ZC3H8: variants seen among roughly 807,000 people sequenced by gnomAD.
ZC3H8 encodes the protein zinc finger CCCH domain-containing protein 8.
A neutral mutation model predicts 42.5 loss-of-function variants in ZC3H8; 27 were observed. The ratio of observed to expected loss-of-function variants is 0.64; its 90% CI spans 0.47 to 0.88. The LOEUF is 0.88. Among genes scored for constraint, ZC3H8 ranks in the 40% least tolerant of loss-of-function variants. ZC3H8 has a pLI of 0.00. For missense variants in ZC3H8, 277 were observed against 336.1 expected, an observed-to-expected ratio of 0.82 and a Z score of 1.37; for synonymous variants, 101 against 110.1, an observed-to-expected ratio of 0.92 and a Z score of 0.52.
intron 8 of ZC3H8, among the ~76,000 whole-genome samples, chr2:112,222,472 G>A (rs1169512940): frequency 6.6e-6 from 1 of 152,158 alleles, no homozygotes; most frequent in Admixed American, 6.5e-5. Flanking sequence ...AAGAAATTCT[G>A]ACATGGTACA....
chr2:112,238,638 A>G (rs1276550822), intron 2 of ZC3H8, 110 bp from the exon 3 acceptor site: 12 of 813,418 alleles, frequency 1.5e-5, no homozygotes, highest in Admixed American at 1.1e-4. Flanking sequence ...GAAGGTGGGT[A>G]ATAGGTACAT....
In ZC3H8 at chr2:112,250,175, G is replaced by A; in HGVS notation, c.156+16C>T. ...ATCTGCGTTTTCAACTTAAACAGTG[G>A]TCAACTTAATCTTACTTTTTTGGGA... On this transcript the variant is annotated intron_variant, in intron 2 of 8. Transcript: ENST00000409573. The A allele has an allele frequency of 6.5e-7, 1 of 1,544,148 alleles. No homozygotes were observed. Among genetic ancestry groups the A allele is most frequent in the South Asian group, 1.2e-5 (1 of 81,332 alleles).
At position 112,215,595 on chromosome 2, in the gene ZC3H8, A is replaced by G. The variant is rs921309705; in HGVS notation, c.*889T>C. 6 of 152,344 alleles carry G rather than the reference A, an allele frequency of 3.9e-5. No individual in the cohort carries two copies. The highest frequency in any genetic ancestry group is 8.8e-5 in the Non-Finnish European group (6 of 68,030). 9.4% of individuals were successfully genotyped at this position (152,344 alleles called of 1,614,324 possible). A position where few individuals can be genotyped will look rare whatever the true frequency, so the allele number is the denominator to read the frequency against. ...GTTGGTAATACTATTACTTTTCCCAACAATAAAACAATATAATGACGAGTT... is the reference window on the plus strand; with the variant it reads ...GTTGGTAATACTATTACTTTTCCCAGCAATAAAACAATATAATGACGAGTT... On this transcript the variant is annotated 3_prime_UTR_variant, in exon 9 of 9. Coordinates refer to ENST00000409573, the MANE Select transcript of ZC3H8 (RefSeq NM_032494.3).
rs749174581 is a variant in ZC3H8 at position 112,250,181 on chromosome 2, T to C, written c.156+10A>G. ...GTTTTCAACTTAAACAGTGGTCAAC[T>C]TAATCTTACTTTTTTGGGAATTTGC... On this transcript the variant is annotated intron_variant, in intron 2 of 8. Transcript: ENST00000409573. 3 of 1,559,672 alleles carry C rather than the reference T, an allele frequency of 1.9e-6. No individual in the cohort carries two copies. Among genetic ancestry groups the C allele is most frequent in the Non-Finnish European group, 2.6e-6 (3 of 1,150,618 alleles).
At chr2:112,240,057 C>T (rs1685518081) in intron 2 of ZC3H8, among the ~76,000 whole-genome samples, 1 of 152,218 alleles carries the variant, frequency 6.6e-6, no homozygotes, top group African/African-American at 2.4e-5. Flanking sequence ...CCAGACAAGA[C>T]TATCAACCAA....
chr2:112,251,422 C>CA (rs1390589287), intron 1 of ZC3H8, among the ~76,000 whole-genome samples: 5 of 152,136 alleles, frequency 3.3e-5, no homozygotes, highest in Non-Finnish European at 5.9e-5. Flanking sequence ...TTACAAGAAC[C>CA]AAAAACCCCA....
intron 8 of ZC3H8, among the ~76,000 whole-genome samples, chr2:112,225,092 T>C (rs1463483461): frequency 6.6e-6 from 1 of 152,230 alleles, no homozygotes; most frequent in Non-Finnish European, 1.5e-5. Flanking sequence ...ACTGGTAGTA[T>C]GTAGAAAGAG....
intron 2 of ZC3H8, among the ~76,000 whole-genome samples, chr2:112,239,852 T>C (rs1374429708): frequency 3.3e-5 from 5 of 152,216 alleles, no homozygotes; most frequent in Non-Finnish European, 7.4e-5. Flanking sequence ...CCCAAAGTGC[T>C]AGGATTACAG....
intron 2 of ZC3H8, 171 bp from the exon 3 acceptor site, chr2:112,238,699 TAAAAAAAA>T (rs1373499282): frequency 2.2e-6 from 1 of 461,736 alleles, no homozygotes; most frequent in African/African-American, 2.0e-5. Context: ...TTTCCAGAAT[TAAAAAAAA>T]GAAAAAATTT....
At chr2:112,250,691 T>C (rs1685915860) in intron 1 of ZC3H8, among the ~76,000 whole-genome samples, 1 of 152,150 alleles carries the variant, frequency 6.6e-6, no homozygotes, top group African/African-American at 2.4e-5. Context: ...GCTATTTCAA[T>C]ATGGTATGGT....
chr2:112,254,683 G>C (rs973634399), intron 1 of ZC3H8, among the ~76,000 whole-genome samples: 8 of 152,340 alleles, frequency 5.3e-5, no homozygotes, highest in African/African-American at 1.9e-4. Context: ...GACAGCCCCG[G>C]CCCTGACGGC....
At position 112,213,344 on chromosome 2, in the gene ZC3H8, C is replaced by G. The variant is rs1389803127; in HGVS notation, c.*3140G>C. The G allele has an allele frequency of 6.6e-6, 1 of 151,928 alleles. No homozygotes were observed. The highest frequency in any genetic ancestry group is 1.5e-5 in the Non-Finnish European group (1 of 67,988). 9.4% of individuals were successfully genotyped at this position (151,928 alleles called of 1,614,324 possible). A position where few individuals can be genotyped will look rare whatever the true frequency, so the allele number is the denominator to read the frequency against. ...TAGTCAGTGAACTAAGACAATTATG[C>G]TGAAACTCAGGAAACCTATTAAAAC... On this transcript the variant is annotated 3_prime_UTR_variant, in exon 9 of 9. Coordinates refer to ENST00000409573, the MANE Select transcript of ZC3H8 (RefSeq NM_032494.3).
At chr2:112,241,521 A>T (rs1168501451) in intron 2 of ZC3H8, among the ~76,000 whole-genome samples, 1 of 152,264 alleles carries the variant, frequency 6.6e-6, no homozygotes, top group Non-Finnish European at 1.5e-5. Context: ...TTGAATGAGA[A>T]GAAAACCACA....
intron 8 of ZC3H8, among the ~76,000 whole-genome samples, chr2:112,229,299 C>A (rs983456343): frequency 6.6e-6 from 1 of 152,140 alleles, no homozygotes; most frequent in African/African-American, 2.4e-5. Flanking sequence ...CTATCTGATA[C>A]CATTTTAAAA....
Position 112,214,542 on chromosome 2 carries a change from A to C in ZC3H8, c.*1942T>G, listed in dbSNP as rs979937324. On this transcript the variant is annotated 3_prime_UTR_variant, in exon 9 of 9. Transcript: ENST00000409573. ...CAGTGAGATTTACTTCACAGGAGGAAACCAAGGGGAGCAGAGGGAAGTAGG... is the reference window on the plus strand; with the variant it reads ...CAGTGAGATTTACTTCACAGGAGGACACCAAGGGGAGCAGAGGGAAGTAGG... 6.6e-6 allele frequency: 1 copy of C among 152,168 alleles called. No homozygotes were observed. Among genetic ancestry groups the C allele is most frequent in the African/African-American group, 2.4e-5 (1 of 41,414 alleles). The allele number at this position is 152,168 out of a possible 1,614,324, so 9.4% of individuals were successfully genotyped here.
At chr2:112,246,218 C>A (rs576506890) in intron 2 of ZC3H8, among the ~76,000 whole-genome samples, 117 of 152,342 alleles carry the variant, frequency 7.7e-4, no homozygotes, top group Non-Finnish European at 1.4e-3. Context: ...CACCCAGTCA[C>A]CCAAGAGCTC....
In ZC3H8 at chr2:112,225,667, A is replaced by T. The variant is rs151070974; in HGVS notation, c.*15+5236T>A. The stretch of plus-strand genomic sequence containing the variant: ...CTTAGTCTCTACTAAAAATACAAAA[A>T]TTAGCTGGGCATGGTGGTAAGTGCT... On this transcript the variant is annotated intron_variant, in intron 8 of 8. Transcript: ENST00000409573. Among the ~76,000 whole-genome samples, 1,067 of 152,228 alleles carry T rather than the reference A, an allele frequency of 7.0e-3. 11 individuals carry two copies. The highest frequency in any genetic ancestry group is 0.024 in the African/African-American group (986 of 41,518).
At chr2:112,252,430 C>T (rs1283529966) in intron 1 of ZC3H8, among the ~76,000 whole-genome samples, 2 of 152,212 alleles carry the variant, frequency 1.3e-5, no homozygotes, top group Admixed American at 1.3e-4. Flanking sequence ...GCCACTAATA[C>T]AACAATCCAA....
At position 112,212,688 on chromosome 2, in the gene ZC3H8, T is replaced by C. The variant is rs1272678067; in HGVS notation, c.*3796A>G. 1 of 152,234 alleles carries C rather than the reference T, an allele frequency of 6.6e-6. No individual in the cohort carries two copies. The highest frequency in any genetic ancestry group is 1.9e-4 in the East Asian group (1 of 5,204). The allele number at this position is 152,234 out of a possible 1,614,324, so 9.4% of individuals were successfully genotyped here. A position where few individuals can be genotyped will look rare whatever the true frequency, so the allele number is the denominator to read the frequency against. ...GCTTCTTCCCAACTTTCCTCTCTGT[T>C]TTCTTCAGCTAGCACCCCTTGAAAT... On this transcript the variant is annotated 3_prime_UTR_variant, in exon 9 of 9. Coordinates refer to ENST00000409573, the MANE Select transcript of ZC3H8 (RefSeq NM_032494.3).
Sources: gnomAD v4.1 joint callset for allele counts (sites outside exome capture counted in the v4.1 genomes callset) on GRCh38, gnomAD v4.1.1 for gene constraint, MANE v1.5 for transcripts, NCBI Gene and HGNC (gene_info 2026-07-23, HGNC 2026-07-21) for gene names.